JAK2: variants seen among roughly 807,000 people sequenced by gnomAD.
The protein encoded by JAK2 is tyrosine-protein kinase JAK2.
JAK2 carries 86 observed loss-of-function variants against 139.3 expected under a neutral mutation model. The ratio of observed to expected loss-of-function variants is 0.62; its 90% CI spans 0.52 to 0.74. The LOEUF (loss-of-function observed/expected upper bound fraction) is 0.74, where lower values mean the gene tolerates loss of function less well. JAK2 is among the 30% of genes least tolerant of loss of function. The pLI, the probability that JAK2 is intolerant of heterozygous loss-of-function variation, is 0.00. For synonymous variants in JAK2, 490 were observed against 437.7 expected, an observed-to-expected ratio of 1.12 and a Z score of -1.49; for missense variants, 1,421 against 1,360.3, an observed-to-expected ratio of 1.04 and a Z score of -0.70.
At chr9:5,015,475 C>T (rs57431518) in intron 2 of JAK2, among the ~76,000 whole-genome samples, 2,144 of 152,060 alleles carry the variant, frequency 0.014, 60 homozygotes, top group African/African-American at 0.049. Context: ...GGCACCTTAG[C>T]ACAAATCAAA....
Position 5,103,221 on chromosome 9 carries a change from C to CAAAAAAAAAAAA in JAK2, c.3059+12333_3059+12344dup, listed in dbSNP as rs56691830. 5.8e-4 allele frequency among the ~76,000 whole-genome samples: 4 copies of CAAAAAAAAAAAA among 6,872 alleles called. 2 individuals carry two copies. Among genetic ancestry groups the CAAAAAAAAAAAA allele is most frequent in the African/African-American group, 1.2e-3 (2 of 1,694 alleles). 4.5% of individuals were successfully genotyped at this position (6,872 alleles called of 152,430 possible). ...GAAGATCTACCAAGCAAAGGGAAAG[C>CAAAAAAAAAAAA]AAAAAAAAAAAAAAAAAAAAAAAAA... is the stretch of plus-strand genomic sequence containing the variant. On this transcript the variant is annotated intron_variant, in intron 22 of 24. Coordinates refer to ENST00000381652, the MANE Select transcript of JAK2 (RefSeq NM_004972.4).
chr9:5,066,694 A>G lies in JAK2; in HGVS notation c.1231A>G (p.Ser411Gly). ...HGPISMDFAI[S>G]KLKKAGNQTG... ...TACCTTTAGGATGGATTTTGCCATT[A>G]GTAAACTGAAGAAAGCAGGTAATCA... is the stretch of plus-strand genomic sequence containing the variant. Residue 411 changes from serine (S) to glycine (G), a missense_variant, in exon 10 of 25, where the codon AGT (serine) becomes GGT (glycine). By Grantham distance (56) the Ser-to-Gly change is moderately conservative. Coordinates refer to ENST00000381652, the MANE Select transcript of JAK2 (RefSeq NM_004972.4). 1 of 1,601,680 alleles carries G rather than the reference A, an allele frequency of 6.2e-7. No homozygotes were observed. Among genetic ancestry groups the G allele is most frequent in the Non-Finnish European group, 8.6e-7 (1 of 1,169,458 alleles).
chr9:5,104,753 C>T (rs975672798), intron 22 of JAK2, among the ~76,000 whole-genome samples: 2 of 152,198 alleles, frequency 1.3e-5, no homozygotes, highest in Non-Finnish European at 2.9e-5. Context: ...GCTGGTTCAA[C>T]ATTTGCAAAT....
chr9:5,103,576 A>G (rs943282109), intron 22 of JAK2, among the ~76,000 whole-genome samples: 1 of 152,234 alleles, frequency 6.6e-6, no homozygotes, highest in Non-Finnish European at 1.5e-5. Flanking sequence ...TGAACCTAAT[A>G]GACATCTACA....
chr9:5,095,997 A>T (rs1820957444), intron 22 of JAK2, among the ~76,000 whole-genome samples: 1 of 152,198 alleles, frequency 6.6e-6, no homozygotes, highest in African/African-American at 2.4e-5. Flanking sequence ...CTCCATTAAC[A>T]GGATTTCTGC....
chr9:4,994,205 T>C (rs1820430158), intron 2 of JAK2, among the ~76,000 whole-genome samples: 1 of 152,210 alleles, frequency 6.6e-6, no homozygotes, highest in Non-Finnish European at 1.5e-5. Flanking sequence ...AAATATGCCA[T>C]AGGAACTTCC....
chr9:5,042,173 CA>C (rs1327633959), intron 4 of JAK2, among the ~76,000 whole-genome samples: 2 of 149,528 alleles, frequency 1.3e-5, no homozygotes, highest in East Asian at 4.0e-4. Flanking sequence ...CTTTGTCGCC[CA>C]GGCCGGACTG....
At chr9:5,031,450 C>G (rs561826987) in intron 4 of JAK2, among the ~76,000 whole-genome samples, 2 of 152,202 alleles carry the variant, frequency 1.3e-5, no homozygotes, top group South Asian at 2.1e-4. Context: ...ATGAAGAAAT[C>G]TTTTCATATT....
chr9:5,103,881 C>T (rs188490189), intron 22 of JAK2, among the ~76,000 whole-genome samples: 3 of 152,152 alleles, frequency 2.0e-5, no homozygotes, highest in African/African-American at 7.2e-5. Context: ...AGAACAAAGA[C>T]ACAGCATACC....
intron 22 of JAK2, among the ~76,000 whole-genome samples, chr9:5,101,622 G>A (rs571402891): frequency 1.3e-5 from 2 of 152,378 alleles, no homozygotes; most frequent in South Asian, 4.1e-4. Flanking sequence ...ACACCTCCCA[G>A]TAGAGGCCAA....
chr9:5,022,445 A>G (rs1295699902), intron 3 of JAK2, among the ~76,000 whole-genome samples: 2 of 152,198 alleles, frequency 1.3e-5, no homozygotes, highest in African/African-American at 2.4e-5. Context: ...TTTGCTGACT[A>G]TTCTTTATAA....
chr9:5,097,980 C>T (rs1821140554), intron 22 of JAK2: 1 of 152,184 alleles, frequency 6.6e-6, no homozygotes, highest in Admixed American at 6.5e-5. Flanking sequence ...CAACGTTATT[C>T]CGATTATCCT....
chr9:5,035,568 G>A (rs998186167), intron 4 of JAK2, among the ~76,000 whole-genome samples: 4 of 152,194 alleles, frequency 2.6e-5, no homozygotes, highest in African/African-American at 9.7e-5. Flanking sequence ...GGGATGCAAG[G>A]CTGGTTCAAC....
intron 22 of JAK2, chr9:5,114,067 A>G: frequency 3.0e-6 from 1 of 337,152 alleles, no homozygotes; most frequent in Non-Finnish European, 5.9e-6. Context: ...ACACAAAGCA[A>G]GCTCACCCTC....
Position 5,044,530 on chromosome 9 carries a change from T to C in JAK2, c.468+10T>C, listed in dbSNP as rs1200150505. On this transcript the variant is annotated intron_variant, in intron 5 of 24. Coordinates refer to ENST00000381652, the MANE Select transcript of JAK2 (RefSeq NM_004972.4). ...TTACCTCTTTGCTCAGGTATGATTA[T>C]ATTATCTTACTTGTACATGAGTTAA... is the stretch of plus-strand genomic sequence containing the variant. The C allele has an allele frequency of 4.1e-6, 6 of 1,455,508 alleles. No homozygotes were observed. Among genetic ancestry groups the C allele is most frequent in the Non-Finnish European group, 5.7e-6 (6 of 1,050,540 alleles). The allele number at this position is 1,455,508 out of a possible 1,614,324, so 90.2% of individuals were successfully genotyped here.
intron 22 of JAK2, among the ~76,000 whole-genome samples, chr9:5,092,880 C>T (rs563382645): frequency 4.9e-4 from 74 of 152,266 alleles, no homozygotes; most frequent in Middle Eastern, 6.8e-3. Context: ...GTAAGTTTAA[C>T]TGTTAATCTA....
intron 22 of JAK2, chr9:5,112,393 GGGA>G (rs1420718398): frequency 3.2e-5 from 14 of 439,144 alleles, no homozygotes; most frequent in East Asian, 1.4e-4. Flanking sequence ...GAAATCAAGC[GGGA>G]GGAGGAGGAT....
intron 22 of JAK2, among the ~76,000 whole-genome samples, chr9:5,121,784 T>TTG (rs1823632798): frequency 6.6e-6 from 1 of 152,172 alleles, no homozygotes; most frequent in South Asian, 2.1e-4. Context: ...CTTTTTAAAT[T>TTG]TGTATTTACC....
At chr9:5,102,239 C>T (rs527965025) in intron 22 of JAK2, among the ~76,000 whole-genome samples, 2 of 152,092 alleles carry the variant, frequency 1.3e-5, no homozygotes, top group South Asian at 2.1e-4. Context: ...AACTACAGGA[C>T]GCATGCACAA....
Sources: allele counts gnomAD v4.1 joint callset (sites outside exome capture counted in the v4.1 genomes callset), GRCh38; gene constraint gnomAD v4.1.1; transcripts MANE v1.5; gene names NCBI Gene and HGNC (gene_info 2026-07-23, HGNC 2026-07-21).